The following PDE4D variants were observed in gnomAD, a reference collection of about 807,000 sequenced individuals.
PDE4D encodes phosphodiesterase 4D, also known as 3',5'-cyclic-AMP phosphodiesterase 4D.
PDE4D carries 24 observed loss-of-function variants against 87.4 expected under a neutral mutation model. That is an observed-to-expected ratio of 0.27 (90% confidence interval 0.20 to 0.39). The LOEUF (loss-of-function observed/expected upper bound fraction) is 0.39. Among genes scored for constraint, PDE4D ranks in the 10% least tolerant of loss-of-function variants. The pLI is 1.00. For synonymous variants in PDE4D, 384 were observed against 383.2 expected, an observed-to-expected ratio of 1.00 and a Z score of -0.02; for missense variants, 714 against 1,041.0, an observed-to-expected ratio of 0.69 and a Z score of 4.32.
intron 5 of PDE4D, chr5:59,063,315 C>T (rs1316295956): frequency 6.6e-6 from 1 of 152,176 alleles, no homozygotes; most frequent in Non-Finnish European, 1.5e-5. Context: ...TTAGTTCACT[C>T]CCAGTGGAGA....
At chr5:60,083,624 TTTTG>T (rs909572910) in intron 2 of PDE4D, among the ~76,000 whole-genome samples, 9 of 152,308 alleles carry the variant, frequency 5.9e-5, no homozygotes, top group East Asian at 1.9e-4. Context: ...TTTTTAGTTT[TTTTG>T]TTTGTTTGTT....
intron 1 of PDE4D, among the ~76,000 whole-genome samples, chr5:59,504,902 A>ATGTGTGTGTGTG (rs61507201): frequency 2.8e-4 from 41 of 145,820 alleles, no homozygotes; most frequent in African/African-American, 9.9e-4. Flanking sequence ...GTAGGGGTAT[A>ATGTGTGTGTGTG]TGTGTGTGTG....
At chr5:59,165,440 A>AT (rs58954093) in intron 5 of PDE4D, among the ~76,000 whole-genome samples, 3,035 of 151,980 alleles carry the variant, frequency 0.02, 92 homozygotes, top group African/African-American at 0.069. Flanking sequence ...TGTCTGGCTA[A>AT]TTTTTTTGTG....
intron 2 of PDE4D, chr5:60,032,937 A>G (rs1166776959): frequency 1.3e-5 from 2 of 152,114 alleles, no homozygotes; most frequent in Non-Finnish European, 2.9e-5. Flanking sequence ...ATTTCTTTGA[A>G]GTTAGGTCAG....
chr5:59,705,891 C>T (rs943799386), intron 1 of PDE4D, among the ~76,000 whole-genome samples: 1 of 152,074 alleles, frequency 6.6e-6, no homozygotes, highest in African/African-American at 2.4e-5. Context: ...TGTTAAAGGG[C>T]AGTGCTCTGG....
chr5:60,106,898 A>G lies in PDE4D; in HGVS notation c.42+78659T>C, dbSNP rs541852889. 4.6e-5 allele frequency among the ~76,000 whole-genome samples: 7 copies of G among 151,770 alleles called. No homozygotes were observed. In the East Asian group the frequency reaches 1.4e-3, roughly 29 times the overall value. ...ATTTATAGCACTAAATGCCCACAAG[A>G]GAAAGCAGGAAAGATCCAAAATTGA... On this transcript the variant is annotated intron_variant, in intron 2 of 16. Transcript: ENST00000502484.
chr5:60,027,464 T>C (rs1019053501), intron 2 of PDE4D, among the ~76,000 whole-genome samples: 4 of 152,206 alleles, frequency 2.6e-5, no homozygotes, highest in Non-Finnish European at 4.4e-5. Context: ...GGTGTATATG[T>C]ACCTAGGTGT....
At chr5:59,072,855 G>T (rs915583664) in intron 5 of PDE4D, among the ~76,000 whole-genome samples, 4 of 152,124 alleles carry the variant, frequency 2.6e-5, no homozygotes, top group Admixed American at 2.0e-4. Flanking sequence ...CTTTGTTAGT[G>T]TATTAGCCAT....
rs369829189 is a variant in PDE4D, at chr5:59,244,680, CTGTGTGTGTGTG to C, written c.456-28724_456-28713del. Among the ~76,000 whole-genome samples, 28 of 120,052 alleles carry C rather than the reference CTGTGTGTGTGTG, an allele frequency of 2.3e-4. No individual in the cohort carries two copies. The South Asian group carries it at 2.7e-3, about 11-fold the overall frequency. The allele number at this position is 120,052 out of a possible 152,430, so 78.8% of individuals were successfully genotyped here. ...GATATATGTATGTATGTGTGTGTGT[CTGTGTGTGTGTG>C]TGTGTGTGTGTGTGTGTGTGTGTGT... On this transcript the variant is annotated intron_variant, in intron 1 of 14. Coordinates refer to ENST00000340635, the MANE Select transcript of PDE4D (RefSeq NM_001104631.2).
chr5:59,584,069 A>G (rs2153701007), intron 1 of PDE4D, among the ~76,000 whole-genome samples: 1 of 152,350 alleles, frequency 6.6e-6, no homozygotes, highest in East Asian at 1.9e-4. Flanking sequence ...GTCTTTGGAG[A>G]TGAAAAGAGC....
At chr5:59,117,773 G>T (rs574020270) in intron 5 of PDE4D, among the ~76,000 whole-genome samples, 1 of 151,556 alleles carries the variant, frequency 6.6e-6, no homozygotes, top group African/African-American at 2.4e-5. Flanking sequence ...TTTGCACCAT[G>T]GCCATAGACA....
chr5:59,630,081 T>A (rs142078809), intron 1 of PDE4D, among the ~76,000 whole-genome samples: 18 of 152,360 alleles, frequency 1.2e-4, no homozygotes, highest in African/African-American at 4.3e-4. Context: ...TATTTGGCTT[T>A]TCCTTCAAAA....
At chr5:60,369,602 G>C (rs1249514917) in intron 1 of PDE4D, among the ~76,000 whole-genome samples, 1 of 152,116 alleles carries the variant, frequency 6.6e-6, no homozygotes, top group Non-Finnish European at 1.5e-5. Flanking sequence ...CAAGCCACGA[G>C]GAGCATGCGC....
At chr5:59,552,092 G>A (rs1434405290) in intron 1 of PDE4D, among the ~76,000 whole-genome samples, 1 of 152,116 alleles carries the variant, frequency 6.6e-6, no homozygotes, top group Non-Finnish European at 1.5e-5. Flanking sequence ...GGTGGTGGAT[G>A]TCTGTAGACC....
At chr5:60,117,611 C>T (rs912790112) in intron 2 of PDE4D, among the ~76,000 whole-genome samples, 2 of 152,000 alleles carry the variant, frequency 1.3e-5, no homozygotes, top group African/African-American at 4.8e-5. Flanking sequence ...TTTATATTAA[C>T]TCTAAAGAGA....
At chr5:59,194,680 T>G in intron 2 of PDE4D, among the ~76,000 whole-genome samples, 1 of 152,194 alleles carries the variant, frequency 6.6e-6, no homozygotes, top group Admixed American at 6.5e-5. Context: ...ATCATGTTTT[T>G]CAAGGGGCAC....
chr5:59,039,367 C>T (rs940218883), intron 5 of PDE4D: 2 of 1,026,002 alleles, frequency 1.9e-6, no homozygotes, highest in Admixed American at 5.9e-5. Context: ...CTTGGGTGCC[C>T]GCCCCGCAGA....
chr5:59,162,024 A>G (rs1302427495), intron 5 of PDE4D, among the ~76,000 whole-genome samples: 1 of 152,232 alleles, frequency 6.6e-6, no homozygotes, highest in Non-Finnish European at 1.5e-5. Context: ...ATTGGACTAC[A>G]TTCTGCACAA....
intron 1 of PDE4D, among the ~76,000 whole-genome samples, chr5:59,741,646 A>G (rs1758855378): frequency 1.3e-5 from 2 of 152,196 alleles, no homozygotes; most frequent in Non-Finnish European, 2.9e-5. Flanking sequence ...TTCATTAGTA[A>G]CATGAAAGCT....
Sources: allele counts gnomAD v4.1 joint callset (sites outside exome capture counted in the v4.1 genomes callset), GRCh38; gene constraint gnomAD v4.1.1; transcripts MANE v1.5; gene names NCBI Gene and HGNC (gene_info 2026-07-23, HGNC 2026-07-21).